IL1RAPL2: variants seen among roughly 807,000 people sequenced by gnomAD.
The protein encoded by IL1RAPL2 is interleukin 1 receptor accessory protein like 2.
A neutral mutation model predicts 44.1 loss-of-function variants in IL1RAPL2; 3 were observed. That is an observed-to-expected ratio of 0.07 (90% confidence interval 0.03 to 0.18). The LOEUF is 0.18. Among genes scored for constraint, IL1RAPL2 ranks in the 10% least tolerant of loss-of-function variants. IL1RAPL2 has a pLI of 1.00. For missense variants in IL1RAPL2, 391 were observed against 496.4 expected (o/e 0.79, Z 2.02); for synonymous variants, 181 against 178.8 (o/e 1.01, Z -0.10).
chrX:104,626,814 T>C (rs1162868349), intron 1 of IL1RAPL2, among the ~76,000 whole-genome samples: 2 of 101,739 alleles, frequency 2.0e-5, no homozygotes, highest in Non-Finnish European at 4.0e-5. Flanking sequence ...TTGTAGTGTT[T>C]TGTAGATAAC....
chrX:104,850,789 A>T (rs1922204756), intron 2 of IL1RAPL2, among the ~76,000 whole-genome samples: 1 of 111,526 alleles, frequency 9.0e-6, no homozygotes, highest in Non-Finnish European at 1.9e-5. Flanking sequence ...AGTGGGTAGA[A>T]AAAATAGAGA....
chrX:105,078,998 G>T (rs1348044417), intron 2 of IL1RAPL2, among the ~76,000 whole-genome samples: 1 of 112,233 alleles, frequency 8.9e-6, no homozygotes, highest in Non-Finnish European at 1.9e-5. Flanking sequence ...GCGATGCCTC[G>T]CCCTGCTTCG....
intron 1 of IL1RAPL2, among the ~76,000 whole-genome samples, chrX:104,610,972 G>A (rs780019030): frequency 9.9e-5 from 11 of 111,481 alleles, no homozygotes; most frequent in Non-Finnish European, 1.9e-4. Context: ...GTTTGCCTCA[G>A]TATCACCAAT....
chrX:105,147,451 A>G, intron 2 of IL1RAPL2, among the ~76,000 whole-genome samples: 1 of 110,970 alleles, frequency 9.0e-6, no homozygotes, highest in East Asian at 2.9e-4. Context: ...CATTTTCATC[A>G]TGCCCAAAAG....
At chrX:104,635,237 T>G (rs925231934) in intron 1 of IL1RAPL2, among the ~76,000 whole-genome samples, 27 of 111,945 alleles carry the variant, frequency 2.4e-4, no homozygotes, top group African/African-American at 6.8e-4. Flanking sequence ...GGCTTCCCTT[T>G]GTGGGCAACC....
intron 2 of IL1RAPL2, among the ~76,000 whole-genome samples, chrX:105,076,959 C>G (rs925607779): frequency 9.0e-6 from 1 of 111,053 alleles, no homozygotes; most frequent in African/African-American, 3.3e-5. Context: ...GATGGGGTTC[C>G]TGAATACAGC....
intron 2 of IL1RAPL2, among the ~76,000 whole-genome samples, chrX:105,080,152 T>C (rs1279574963): frequency 1.8e-5 from 2 of 112,347 alleles, no homozygotes. Flanking sequence ...GCAAAAATTT[T>C]CTACCATTCT....
intron 9 of IL1RAPL2, among the ~76,000 whole-genome samples, chrX:105,749,487 A>C: frequency 8.9e-6 from 1 of 111,939 alleles, no homozygotes; most frequent in Middle Eastern, 4.7e-3. Context: ...TTTTTTCAGA[A>C]AATGCAAACT....
intron 6 of IL1RAPL2, among the ~76,000 whole-genome samples, chrX:105,577,344 T>C (rs765544346): frequency 9.0e-6 from 1 of 111,144 alleles, no homozygotes; most frequent in African/African-American, 3.3e-5. Flanking sequence ...AACCAGATAA[T>C]TTCTTCCCTT....
At chrX:104,991,757 G>C (rs1458741849) in intron 2 of IL1RAPL2, among the ~76,000 whole-genome samples, 1 of 111,784 alleles carries the variant, frequency 8.9e-6, no homozygotes, top group Non-Finnish European at 1.9e-5. Context: ...TGCCTACCAG[G>C]AGCTTACACT....
At chrX:104,947,308 G>C (rs1432837858) in intron 2 of IL1RAPL2, among the ~76,000 whole-genome samples, 1 of 101,307 alleles carries the variant, frequency 9.9e-6, no homozygotes, top group African/African-American at 3.6e-5. Context: ...TGTAGATTCT[G>C]GATATTAGCC....
At chrX:105,246,376 G>A (rs750353473) in intron 4 of IL1RAPL2, among the ~76,000 whole-genome samples, 1 of 112,340 alleles carries the variant, frequency 8.9e-6, no homozygotes, top group South Asian at 3.7e-4. Flanking sequence ...TGCACAGAAA[G>A]CCAATCACTG....
intron 1 of IL1RAPL2, among the ~76,000 whole-genome samples, chrX:104,621,481 C>T (rs1929400401): frequency 9.3e-6 from 1 of 107,630 alleles, no homozygotes; most frequent in Admixed American, 1.0e-4. Context: ...GCAGGGTGCT[C>T]TCTCTGCCGT....
intron 5 of IL1RAPL2, among the ~76,000 whole-genome samples, chrX:105,405,096 A>G (rs1244355457): frequency 1.8e-5 from 2 of 111,724 alleles, no homozygotes; most frequent in East Asian, 5.6e-4. Flanking sequence ...TTTACAATGT[A>G]TTATATTTAA....
At chrX:105,345,481 C>T (rs767065517) in intron 5 of IL1RAPL2, among the ~76,000 whole-genome samples, 1 of 111,681 alleles carries the variant, frequency 9.0e-6, no homozygotes, top group Admixed American at 9.6e-5. Context: ...TTCTGAGACC[C>T]AGGACAGTGT....
In IL1RAPL2 at chrX:105,090,370, GA is replaced by G. The variant is rs778137383; in HGVS notation, c.83-105099del. 9.9e-5 allele frequency among the ~76,000 whole-genome samples: 11 copies of G among 111,639 alleles called. No individual in the cohort carries two copies. The South Asian group carries it at 1.1e-3, about 11-fold the overall frequency. On this transcript the variant is annotated intron_variant, in intron 2 of 10. Transcript: ENST00000372582. ...CTGTATTTTCTATGTTTAACTGGGG[GA>G]AAAAAGTATGTATAAGTAGAACTGT...
chrX:105,342,437 T>C (rs1360845050), intron 5 of IL1RAPL2, among the ~76,000 whole-genome samples: 1 of 112,274 alleles, frequency 8.9e-6, no homozygotes, highest in Admixed American at 9.5e-5. Flanking sequence ...TTCCCCATCA[T>C]TAACTGTGGT....
intron 2 of IL1RAPL2, among the ~76,000 whole-genome samples, chrX:104,752,016 G>C (rs1384904813): frequency 9.0e-6 from 1 of 111,096 alleles, no homozygotes; most frequent in East Asian, 2.8e-4. Flanking sequence ...ACATAAGAAA[G>C]TTACCAGTTT....
chrX:105,182,511 C>T (rs1372869002), intron 2 of IL1RAPL2, among the ~76,000 whole-genome samples: 2 of 111,530 alleles, frequency 1.8e-5, no homozygotes, highest in African/African-American at 6.5e-5. Context: ...TTTACTTTGT[C>T]TATGTCTTTA....
Sources: gnomAD v4.1 joint callset for allele counts (sites outside exome capture counted in the v4.1 genomes callset) on GRCh38, gnomAD v4.1.1 for gene constraint, MANE v1.5 for transcripts, NCBI Gene and HGNC (gene_info 2026-07-23, HGNC 2026-07-21) for gene names.